The following CFAP58 variants were observed in gnomAD, a reference collection of about 807,000 sequenced individuals.
The protein encoded by CFAP58 is cilia- and flagella-associated protein 58.
CFAP58 carries 88 observed loss-of-function variants against 119.5 expected under a neutral mutation model. The ratio of observed to expected loss-of-function variants is 0.74; its 90% CI spans 0.62 to 0.88. CFAP58 has a LOEUF of 0.88. Ranked by LOEUF, CFAP58 falls within the 40% of genes least tolerant of loss-of-function variation. The pLI, the probability that CFAP58 is intolerant of heterozygous loss-of-function variation, is 0.00. For synonymous variants in CFAP58, 365 were observed against 366.3 expected (o/e 1.00, Z 0.04); for missense variants, 990 against 1,021.2 (o/e 0.97, Z 0.42).
intron 11 of CFAP58, among the ~76,000 whole-genome samples, chr10:104,395,670 A>G (rs1164454893): frequency 1.3e-5 from 2 of 152,230 alleles, no homozygotes; most frequent in Non-Finnish European, 1.5e-5. Context: ...CATTTCACAC[A>G]GGTCCCTGGA....
intron 15 of CFAP58, among the ~76,000 whole-genome samples, chr10:104,420,527 C>T (rs2133067006): frequency 6.6e-6 from 1 of 152,158 alleles, no homozygotes; most frequent in Non-Finnish European, 1.5e-5. Flanking sequence ...GGTTTTTCTA[C>T]CTATCAGATA....
intron 11 of CFAP58, among the ~76,000 whole-genome samples, chr10:104,393,983 C>T (rs1259401494): frequency 6.6e-6 from 1 of 152,146 alleles, no homozygotes; most frequent in East Asian, 1.9e-4. Flanking sequence ...CTTGGTTTAC[C>T]CTTGACCAGG....
chr10:104,356,933 T>C (rs2014550634), intron 1 of CFAP58, among the ~76,000 whole-genome samples: 1 of 152,210 alleles, frequency 6.6e-6, no homozygotes, highest in Non-Finnish European at 1.5e-5. Flanking sequence ...TGAATAAATA[T>C]ATTAACCATA....
At chr10:104,343,924 G>A in the CFAP58 span, among the ~76,000 whole-genome samples, 1 of 152,102 alleles carries the variant, frequency 6.6e-6, no homozygotes, top group Non-Finnish European at 1.5e-5. Context: ...CCTATTTTTT[G>A]CAGAGATAGG....
chr10:104,349,028 C>G (rs2014429716), upstream of CFAP58, among the ~76,000 whole-genome samples: 1 of 152,176 alleles, frequency 6.6e-6, no homozygotes, highest in Non-Finnish European at 1.5e-5. Context: ...AGAAGGATCA[C>G]TTGAGGTCAG....
rs142046502 is a variant in CFAP58 at position 104,371,068 on chromosome 10, C to T, written c.1090+14C>T. The T allele has an allele frequency of 8.4e-5, 134 of 1,588,994 alleles. 1 individual carries two copies. The Middle Eastern group carries it at 1.5e-3, about 18-fold the overall frequency. On this transcript the variant is annotated intron_variant, in intron 7 of 17. Coordinates refer to ENST00000369704, the MANE Select transcript of CFAP58 (RefSeq NM_001008723.2). Reference sequence around the variant, plus strand: ...GATTAGAGAGAGGTAAACCATTTTGCGCTTTTATTCATTTAGAAACATTTT... The same window carrying T: ...GATTAGAGAGAGGTAAACCATTTTGTGCTTTTATTCATTTAGAAACATTTT...
At chr10:104,343,255 T>C in the CFAP58 span, among the ~76,000 whole-genome samples, 1 of 152,258 alleles carries the variant, frequency 6.6e-6, no homozygotes, top group Non-Finnish European at 1.5e-5. Context: ...GGCTATTTCA[T>C]TCCTCAAGGT....
In CFAP58 at chr10:104,371,059, A is replaced by G; in HGVS notation, c.1090+5A>G. ...AGATTGTGGGATTAGAGAGAGGTAA[A>G]CCATTTTGCGCTTTTATTCATTTAG... On this transcript the variant is annotated splice_donor_5th_base_variant and intron_variant, in intron 7 of 17. Transcript: ENST00000369704. 3 of 1,598,580 alleles carry G rather than the reference A, an allele frequency of 1.9e-6. No homozygotes were observed. Among genetic ancestry groups the G allele is most frequent in the Non-Finnish European group, 2.6e-6 (3 of 1,175,516 alleles).
chr10:104,403,361 T>A (rs2133046410), intron 13 of CFAP58, among the ~76,000 whole-genome samples: 1 of 152,322 alleles, frequency 6.6e-6, no homozygotes, highest in East Asian at 1.9e-4. Flanking sequence ...CCATTAAACC[T>A]CTTTCCTTTA....
At chr10:104,431,420 A>C (rs927070898) in intron 15 of CFAP58, among the ~76,000 whole-genome samples, 3 of 152,346 alleles carry the variant, frequency 2.0e-5, no homozygotes, top group Middle Eastern at 3.4e-3. Context: ...CATACACTAA[A>C]TTTTAAAAAC....
At chr10:104,379,977 C>A in intron 8 of CFAP58, 52 bp from the exon 9 acceptor site, 1 of 1,515,722 alleles carries the variant, frequency 6.6e-7, no homozygotes, top group South Asian at 1.2e-5. Context: ...AACTTAACCC[C>A]AAATCCTTGA....
chr10:104,361,318 G>C (rs896384017), intron 2 of CFAP58, among the ~76,000 whole-genome samples: 4 of 152,164 alleles, frequency 2.6e-5, no homozygotes, highest in Non-Finnish European at 5.9e-5. Context: ...TGATGAGAAG[G>C]CTTGGGCTTC....
chr10:104,355,354 A>G (rs2014530051), intron 1 of CFAP58, among the ~76,000 whole-genome samples: 1 of 152,138 alleles, frequency 6.6e-6, no homozygotes, highest in Non-Finnish European at 1.5e-5. Flanking sequence ...ATATATTTGC[A>G]TATTTCTGTG....
At chr10:104,450,887 T>C (rs2013185643) in intron 17 of CFAP58, among the ~76,000 whole-genome samples, 1 of 152,026 alleles carries the variant, frequency 6.6e-6, no homozygotes, top group South Asian at 2.1e-4. Flanking sequence ...CCATCTTCTA[T>C]GTCTAGTGAC....
At chr10:104,378,418 A>T (rs2011713094) in intron 8 of CFAP58, among the ~76,000 whole-genome samples, 1 of 152,174 alleles carries the variant, frequency 6.6e-6, no homozygotes, top group Admixed American at 6.5e-5. Context: ...TAGGCCTTTT[A>T]CCTGAGTATT....
At chr10:104,363,682 A>G (rs2014702561) in intron 3 of CFAP58, among the ~76,000 whole-genome samples, 1 of 152,168 alleles carries the variant, frequency 6.6e-6, no homozygotes, top group South Asian at 2.1e-4. Context: ...CTTCATAGTA[A>G]CCTTCGAATT....
chr10:104,358,854 T>A (rs1252834072), intron 2 of CFAP58, among the ~76,000 whole-genome samples: 1 of 152,176 alleles, frequency 6.6e-6, no homozygotes, highest in Non-Finnish European at 1.5e-5. Context: ...TTCTGGGAAA[T>A]AATGGGTTAG....
At chr10:104,437,889 C>T (rs2012959674) in intron 15 of CFAP58, among the ~76,000 whole-genome samples, 2 of 152,074 alleles carry the variant, frequency 1.3e-5, no homozygotes, top group African/African-American at 4.8e-5. Flanking sequence ...AGAGTATCTG[C>T]TCCCCAAGAG....
chr10:104,402,805 C>T (rs2012289195), intron 13 of CFAP58, among the ~76,000 whole-genome samples: 1 of 152,124 alleles, frequency 6.6e-6, no homozygotes, highest in African/African-American at 2.4e-5. Flanking sequence ...AAGCCGGGGA[C>T]CCATGCTAGA....
Sources: gnomAD v4.1 joint callset for allele counts (sites outside exome capture counted in the v4.1 genomes callset) on GRCh38, gnomAD v4.1.1 for gene constraint, MANE v1.5 for transcripts, NCBI Gene and HGNC (gene_info 2026-07-23, HGNC 2026-07-21) for gene names.